USP13: variants seen among roughly 807,000 people sequenced by gnomAD.
The protein encoded by USP13 is ubiquitin carboxyl-terminal hydrolase 13.
In USP13, 68 loss-of-function variants were observed where a neutral mutation model predicts 107.8. That is an observed-to-expected ratio of 0.63 (90% CI 0.52 to 0.77). The LOEUF (loss-of-function observed/expected upper bound fraction) is 0.77, where lower values mean the gene tolerates loss of function less well. USP13 is among the 30% of genes least tolerant of loss of function. The probability of loss-of-function intolerance (pLI) is 0.00; values close to 1 mark genes in which losing one functional copy is unlikely to be tolerated. For synonymous variants in USP13, 377 were observed against 389.5 expected (o/e 0.97, Z 0.38); for missense variants, 945 against 1,093.3 (o/e 0.86, Z 1.91).
chr3:179,701,866 C>A (rs186674704), intron 4 of USP13, among the ~76,000 whole-genome samples: 5 of 152,228 alleles, frequency 3.3e-5, no homozygotes, highest in Admixed American at 6.5e-5. Flanking sequence ...AGAGGGAAGC[C>A]AGGTTTTGTT....
In USP13 at chr3:179,653,077, C is replaced by G. The variant is rs1720130367; in HGVS notation, c.-149C>G. 1.6e-6 allele frequency: 1 copy of G among 638,548 alleles called. No individual in the cohort carries two copies. The highest frequency in any genetic ancestry group is 1.9e-6 in the Non-Finnish European group (1 of 514,222). 39.6% of individuals were successfully genotyped at this position (638,548 alleles called of 1,614,324 possible). A position where few individuals can be genotyped will look rare whatever the true frequency, so the allele number is the denominator to read the frequency against. On this transcript the variant is annotated 5_prime_UTR_variant, in exon 1 of 21. Coordinates refer to ENST00000263966, the MANE Select transcript of USP13 (RefSeq NM_003940.3). The surrounding 1 kb of genome is among the most constrained non-coding windows in gnomAD (Gnocchi z 4.0). Reference sequence around the variant, plus strand: ...GCCCGCGGTGCCCGCTCCCGCCCCGCAGCCCGCTCTCCCCGCCCGCCCCGG... The same window carrying G: ...GCCCGCGGTGCCCGCTCCCGCCCCGGAGCCCGCTCTCCCCGCCCGCCCCGG...
intron 2 of USP13, among the ~76,000 whole-genome samples, chr3:179,687,659 CAAAAAAAAAAAAAA>C (rs71182509): frequency 5.4e-5 from 1 of 18,516 alleles, no homozygotes; most frequent in Non-Finnish European, 1.7e-4. Context: ...AACTCTGTCT[CAAAAAAAAAAAAAA>C]AAAAAAAAAA....
intron 19 of USP13, among the ~76,000 whole-genome samples, chr3:179,767,741 C>T (rs773897310): frequency 2.6e-5 from 4 of 152,116 alleles, no homozygotes; most frequent in Non-Finnish European, 5.9e-5. Context: ...GTGCTAGACA[C>T]ATAGAAAGTA....
At chr3:179,655,743 G>A (rs1175099765) in intron 1 of USP13, among the ~76,000 whole-genome samples, 1 of 151,736 alleles carries the variant, frequency 6.6e-6, no homozygotes, top group Non-Finnish European at 1.5e-5. Context: ...TAGTAGAGGT[G>A]GGTTTCGCCA....
intron 1 of USP13, among the ~76,000 whole-genome samples, chr3:179,676,103 C>T (rs1029000392): frequency 2.6e-5 from 4 of 152,042 alleles, no homozygotes; most frequent in Non-Finnish European, 1.5e-5. Flanking sequence ...GGAGCTTTTC[C>T]CCCTTTGCTC....
rs1712819237 is a variant in USP13 at position 179,708,843 on chromosome 3, T to C, written c.691T>C (p.Cys231Arg). The C allele has an allele frequency of 4.3e-6, 7 of 1,613,940 alleles. No individual in the cohort carries two copies. The highest frequency in any genetic ancestry group is 2.2e-5 in the East Asian group (1 of 44,892). Residue 231 changes from cysteine to arginine, a missense_variant, in exon 6 of 21, where the codon TGT becomes CGT. By Grantham distance (180) the Cys-to-Arg change is radical (BLOSUM62 -3). Coordinates refer to ENST00000263966, the MANE Select transcript of USP13 (RefSeq NM_003940.3). ...GAATCTGACTGACGGCTCTGTCCTG[T>C]GTGGAAAGTGGTTCTTTGACAGCTC... ...WLNLTDGSVL[C>R]GKWFFDSSGG... is the part of the protein sequence containing the mutation.
intron 1 of USP13, among the ~76,000 whole-genome samples, chr3:179,669,137 C>T (rs934866749): frequency 3.9e-5 from 6 of 152,088 alleles, no homozygotes; most frequent in Admixed American, 2.6e-4. Context: ...TACATCTAAT[C>T]CACCTCCTGG....
chr3:179,707,874 G>T (rs1712779453), intron 5 of USP13, among the ~76,000 whole-genome samples: 1 of 152,174 alleles, frequency 6.6e-6, no homozygotes, highest in Non-Finnish European at 1.5e-5. Context: ...GTTACTTCTG[G>T]ACCTCCATTT....
intron 8 of USP13, among the ~76,000 whole-genome samples, chr3:179,722,070 A>T (rs1451729231): frequency 6.7e-6 from 1 of 149,710 alleles, no homozygotes; most frequent in Non-Finnish European, 1.5e-5. Context: ...TGTCTCAAAA[A>T]AAAAAAAAAA....
chr3:179,780,536 G>C (rs937883943), intron 19 of USP13, among the ~76,000 whole-genome samples: 1 of 152,138 alleles, frequency 6.6e-6, no homozygotes, highest in South Asian at 2.1e-4. Context: ...TCTGGATAGG[G>C]GGGGAAGAAG....
At position 179,745,066 on chromosome 3, in the gene USP13, AC is replaced by A. The variant is rs1354936918; in HGVS notation, c.1559del (p.Thr520ArgfsTer50). The A allele has an allele frequency of 1.9e-6, 3 of 1,614,040 alleles. No individual in the cohort carries two copies. Among genetic ancestry groups the A allele is most frequent in the Non-Finnish European group, 2.5e-6 (3 of 1,180,050 alleles). ...NKDELIAYEL[T>X]RREAEANRRP... ...AGATGAACTGATCGCTTATGAACTAACGAGAAGGGAAGCAGAAGCAAACAGA... is the reference window on the plus strand; with the variant it reads ...AGATGAACTGATCGCTTATGAACTAAGAGAAGGGAAGCAGAAGCAAACAGA... On this transcript the variant is annotated frameshift_variant, in exon 13 of 21. Transcript: ENST00000263966. LOFTEE classifies it high-confidence loss of function.
At position 179,740,298 on chromosome 3, in the gene USP13, A is replaced by G. The variant is rs916165113; in HGVS notation, c.1306A>G (p.Ser436Gly). 2 of 1,614,024 alleles carry G rather than the reference A, an allele frequency of 1.2e-6. No individual in the cohort carries two copies. The highest frequency in any genetic ancestry group is 1.3e-5 in the African/African-American group (1 of 74,908). The change falls in exon 11 of 21, where the codon AGC becomes GGC. Residue 436 changes from serine to glycine, a missense_variant. By Grantham distance (56) the Ser-to-Gly change is moderately conservative. Transcript: ENST00000263966. ...PRMFKAFVSKSHPEFSSNRQQ... is the reference protein window; with the variant it reads ...PRMFKAFVSKGHPEFSSNRQQ... ...CATGTTTAAGGCCTTTGTAAGCAAGAGCCACCCGGAATTCTCCTCTAACAG... is the reference window on the plus strand; with the variant it reads ...CATGTTTAAGGCCTTTGTAAGCAAGGGCCACCCGGAATTCTCCTCTAACAG...
intron 13 of USP13, among the ~76,000 whole-genome samples, chr3:179,746,185 ATATATATAAAATTT>A (rs973472209): frequency 6.8e-6 from 1 of 147,416 alleles, no homozygotes; most frequent in African/African-American, 2.5e-5. Context: ...ACCTATATAT[ATATATATAAAATTT>A]TATATATAAA....
At chr3:179,766,266 C>T (rs1715173089) in intron 19 of USP13, among the ~76,000 whole-genome samples, 1 of 152,040 alleles carries the variant, frequency 6.6e-6, no homozygotes. Flanking sequence ...GCATGAGCCA[C>T]CATGCCTGGC....
intron 1 of USP13, among the ~76,000 whole-genome samples, chr3:179,675,921 G>C (rs1016764068): frequency 3.3e-5 from 5 of 152,074 alleles, no homozygotes; most frequent in African/African-American, 1.2e-4. Context: ...TATCCTGCCT[G>C]ATATGGTTTG....
At chr3:179,776,972 A>G (rs1199475035) in intron 19 of USP13, among the ~76,000 whole-genome samples, 2 of 150,348 alleles carry the variant, frequency 1.3e-5, no homozygotes. Flanking sequence ...GGAGACAAAT[A>G]TAAATTGAGA....
At chr3:179,781,856 T>G in intron 20 of USP13, 33 bp downstream of exon 20, 1 of 1,574,060 alleles carries the variant, frequency 6.4e-7, no homozygotes, top group Non-Finnish European at 8.7e-7. Flanking sequence ...ATGTTAGCTG[T>G]GATTTATTGA....
chr3:179,728,574 C>T (rs1300969168), intron 8 of USP13, among the ~76,000 whole-genome samples: 11 of 150,888 alleles, frequency 7.3e-5, no homozygotes, highest in African/African-American at 2.7e-4. Context: ...ACTTCCCAGA[C>T]GGGGTGGCGG....
intron 1 of USP13, among the ~76,000 whole-genome samples, chr3:179,680,791 T>A (rs1711625191): frequency 6.6e-6 from 1 of 152,128 alleles, no homozygotes; most frequent in Non-Finnish European, 1.5e-5. Context: ...TCCGCCTGTC[T>A]CAGCCTCCCA....
Sources: allele counts gnomAD v4.1 joint callset (sites outside exome capture counted in the v4.1 genomes callset), GRCh38; gene constraint gnomAD v4.1.1; non-coding constraint Gnocchi (gnomAD v3.1); transcripts MANE v1.5; gene names NCBI Gene and HGNC (gene_info 2026-07-23, HGNC 2026-07-21).